DLGAP2: variants seen among roughly 807,000 people sequenced by gnomAD.
The protein encoded by DLGAP2 is disks large-associated protein 2.
A neutral mutation model predicts 100.3 loss-of-function variants in DLGAP2; 26 were observed. The ratio of observed to expected loss-of-function variants is 0.26; its 90% CI spans 0.19 to 0.36. The LOEUF (loss-of-function observed/expected upper bound fraction) is 0.36. Among genes scored for constraint, DLGAP2 ranks in the 10% least tolerant of loss-of-function variants. The probability of loss-of-function intolerance (pLI) is 1.00; values close to 1 mark genes in which losing one functional copy is unlikely to be tolerated. For missense variants in DLGAP2, 1,858 were observed against 1,453.2 expected (o/e 1.28, Z -4.53); for synonymous variants, 886 against 630.1 (o/e 1.41, Z -6.08).
intron 10 of DLGAP2, among the ~76,000 whole-genome samples, chr8:1,669,997 G>T (rs1798650152): frequency 6.6e-6 from 1 of 152,148 alleles, no homozygotes; most frequent in African/African-American, 2.4e-5. Context: ...CTGGGCTCCG[G>T]CGCCGGTAAG....
At chr8:1,598,872 T>C (rs1796539299) in intron 6 of DLGAP2, among the ~76,000 whole-genome samples, 1 of 152,214 alleles carries the variant, frequency 6.6e-6, no homozygotes, top group Non-Finnish European at 1.5e-5. Context: ...CTCCTTCAGT[T>C]CTTCTCTAAT....
chr8:885,880 T>C (rs111692626), intron 1 of DLGAP2, among the ~76,000 whole-genome samples: 22,406 of 152,174 alleles, frequency 0.15, 1,931 homozygotes, highest in Admixed American at 0.28. Context: ...TTGTGTCTCT[T>C]CCTGGTTTTG....
intron 3 of DLGAP2, among the ~76,000 whole-genome samples, chr8:1,436,767 G>A (rs1471312808): frequency 1.3e-5 from 2 of 151,858 alleles, no homozygotes; most frequent in Admixed American, 6.6e-5. Flanking sequence ...CCACTCACCC[G>A]GTCACCCAGA....
chr8:1,598,563 G>A (rs1453469851), intron 6 of DLGAP2, among the ~76,000 whole-genome samples: 4 of 152,034 alleles, frequency 2.6e-5, no homozygotes, highest in African/African-American at 7.2e-5. Flanking sequence ...GTGTATTCAG[G>A]GATTTGACTT....
In DLGAP2 at chr8:999,480, CT is replaced by C. The variant is rs779189186; in HGVS notation, c.73+91529del. Among the ~76,000 whole-genome samples, 987 of 137,160 alleles carry C rather than the reference CT, an allele frequency of 7.2e-3. 6 individuals are homozygous for C. The highest frequency in any genetic ancestry group is 0.019 in the African/African-American group (703 of 37,818). 90.0% of individuals were successfully genotyped at this position (137,160 alleles called of 152,430 possible). ...TCTTGGTCTTGTGGTGGTGGTTTTT[CT>C]TTTTTTTTTTTTTTCCCGATGGAGT... On this transcript the variant is annotated intron_variant, in intron 2 of 14. Coordinates refer to ENST00000637795, the MANE Select transcript of DLGAP2 (RefSeq NM_001346810.2).
intron 2 of DLGAP2, among the ~76,000 whole-genome samples, chr8:1,247,302 A>T (rs62489179): frequency 0.94 from 60,842 of 64,736 alleles, 28,749 homozygotes; most frequent in Middle Eastern, 0.98. Flanking sequence ...TGGGAAGACC[A>T]TTGAGATCAG....
At chr8:930,206 T>C (rs1798924425) in intron 2 of DLGAP2, among the ~76,000 whole-genome samples, 1 of 152,204 alleles carries the variant, frequency 6.6e-6, no homozygotes, top group South Asian at 2.1e-4. Flanking sequence ...GCCCCTTGCC[T>C]TCCTGGAGGA....
At chr8:1,381,285 G>C (rs12682183) in intron 3 of DLGAP2, 1 of 152,212 alleles carries the variant, frequency 6.6e-6, no homozygotes, top group African/African-American at 2.4e-5. Context: ...TTGGCTGACA[G>C]ATTGGCAAAG....
At chr8:1,691,357 C>T (rs959899216) in intron 12 of DLGAP2, among the ~76,000 whole-genome samples, 178 bp from the exon 13 acceptor site, 11 of 152,216 alleles carry the variant, frequency 7.2e-5, no homozygotes, top group African/African-American at 2.7e-4. Context: ...GGATTTCCTT[C>T]ATGAGTTGGG....
intron 11 of DLGAP2, among the ~76,000 whole-genome samples, chr8:1,677,961 T>C (rs1798848000): frequency 6.6e-6 from 1 of 152,248 alleles, no homozygotes; most frequent in Admixed American, 6.5e-5. Context: ...ATTGTATCAT[T>C]CAATAAACTT....
At chr8:1,204,965 C>T (rs541876403) in intron 2 of DLGAP2, among the ~76,000 whole-genome samples, 1 of 152,256 alleles carries the variant, frequency 6.6e-6, no homozygotes, top group South Asian at 2.1e-4. Flanking sequence ...AGGATTAATT[C>T]AGTGGGGCTG....
chr8:1,511,899 T>C (rs1800176776), intron 4 of DLGAP2, among the ~76,000 whole-genome samples: 1 of 152,252 alleles, frequency 6.6e-6, no homozygotes, highest in Non-Finnish European at 1.5e-5. Context: ...AGAGAAACAT[T>C]AGGCTCCAAG....
At chr8:935,601 G>T (rs191197503) in intron 2 of DLGAP2, among the ~76,000 whole-genome samples, 1 of 152,216 alleles carries the variant, frequency 6.6e-6, no homozygotes, top group Admixed American at 6.5e-5. Context: ...TGGCTCTGTC[G>T]CATTTGCATA....
At chr8:1,028,215 G>C (rs1801869571) in intron 2 of DLGAP2, among the ~76,000 whole-genome samples, 3 of 139,818 alleles carry the variant, frequency 2.1e-5, no homozygotes, top group Non-Finnish European at 3.1e-5. Flanking sequence ...TTCTCCAGGT[G>C]GGGTGTCAGG....
chr8:1,000,388 G>T (rs552301589), intron 2 of DLGAP2, among the ~76,000 whole-genome samples: 1 of 150,428 alleles, frequency 6.6e-6, no homozygotes, highest in Non-Finnish European at 1.5e-5. Flanking sequence ...AAAGATCTGG[G>T]TTGGGGTGGT....
rs190460986 is a variant in DLGAP2 at position 1,664,869 on chromosome 8, C to T, written c.1811-3460C>T. ...GAGAACAACCTGGCAGGCATGTGCA[C>T]ACACACTTAGAAAGAGCATCATGTC... On this transcript the variant is annotated intron_variant, in intron 8 of 14. Transcript: ENST00000637795. Among the ~76,000 whole-genome samples, 6 of 152,332 alleles carry T rather than the reference C, an allele frequency of 3.9e-5. No homozygotes were observed. The East Asian group carries it at 1.2e-3, about 29-fold the overall frequency.
chr8:1,298,705 C>T (rs573208030), intron 3 of DLGAP2, among the ~76,000 whole-genome samples: 2 of 152,174 alleles, frequency 1.3e-5, no homozygotes, highest in East Asian at 3.9e-4. Flanking sequence ...AGCATGCATG[C>T]ATGCCAGAGG....
At chr8:906,678 C>T (rs568840405) in intron 1 of DLGAP2, among the ~76,000 whole-genome samples, 11 of 152,274 alleles carry the variant, frequency 7.2e-5, no homozygotes, top group African/African-American at 2.2e-4. Flanking sequence ...GCACCTGACC[C>T]CATGGTTATC....
At chr8:1,162,819 T>C (rs1796917485) in intron 2 of DLGAP2, among the ~76,000 whole-genome samples, 2 of 152,244 alleles carry the variant, frequency 1.3e-5, no homozygotes, top group South Asian at 4.1e-4. Context: ...AGTTCTGATC[T>C]CGGGAGGTCC....
Sources: allele counts gnomAD v4.1 joint callset (sites outside exome capture counted in the v4.1 genomes callset), GRCh38; gene constraint gnomAD v4.1.1; transcripts MANE v1.5; gene names NCBI Gene and HGNC (gene_info 2026-07-23, HGNC 2026-07-21).